The following NEGR1 variants were observed in gnomAD, a reference collection of about 807,000 sequenced individuals.
The protein encoded by NEGR1 is IgLON family member 4.
NEGR1 carries 10 observed loss-of-function variants against 40.9 expected under a neutral mutation model. The observed-to-expected ratio is 0.24, with a 90% CI of 0.15 to 0.42. NEGR1 has a LOEUF of 0.42. Among genes scored for constraint, NEGR1 ranks in the 10% least tolerant of loss-of-function variants. The probability of loss-of-function intolerance (pLI) is 1.00; values close to 1 mark genes in which losing one functional copy is unlikely to be tolerated. For missense variants in NEGR1, 352 were observed against 438.9 expected, an observed-to-expected ratio of 0.80 and a Z score of 1.77; for synonymous variants, 185 against 166.8, an observed-to-expected ratio of 1.11 and a Z score of -0.84.
chr1:71,639,268 T>G lies in NEGR1; in HGVS notation c.668-28122A>C, dbSNP rs576334458. ...CCCATGCCCATGCCCAATCACAGGC[T>G]TTGTCAACTAGGTGAGTTTGTGCTT... is the stretch of plus-strand genomic sequence containing the variant. On this transcript the variant is annotated intron_variant, in intron 4 of 6. Coordinates refer to ENST00000357731, the MANE Select transcript of NEGR1 (RefSeq NM_173808.3). 4.6e-5 allele frequency among the ~76,000 whole-genome samples: 7 copies of G among 151,180 alleles called. No individual in the cohort carries two copies. The East Asian group carries it at 1.4e-3, about 30-fold the overall frequency.
intron 3 of NEGR1, among the ~76,000 whole-genome samples, chr1:71,767,424 G>A (rs1656170396): frequency 6.6e-6 from 1 of 152,138 alleles, no homozygotes; most frequent in African/African-American, 2.4e-5. Context: ...TGAGAATGAT[G>A]ATTTAGGGTA....
At chr1:71,428,541 C>T (rs1197592642) in intron 6 of NEGR1, among the ~76,000 whole-genome samples, 1 of 151,798 alleles carries the variant, frequency 6.6e-6, no homozygotes, top group Non-Finnish European at 1.5e-5. Flanking sequence ...TATTTCAGGA[C>T]CTCTGGAATC....
chr1:72,073,543 A>G (rs1647569289), intron 1 of NEGR1, among the ~76,000 whole-genome samples: 2 of 152,172 alleles, frequency 1.3e-5, no homozygotes, highest in African/African-American at 4.8e-5. Flanking sequence ...TATAATTACA[A>G]GAAATGCACA....
At chr1:71,562,072 G>T (rs1012785891) in intron 6 of NEGR1, among the ~76,000 whole-genome samples, 59 of 151,452 alleles carry the variant, frequency 3.9e-4, no homozygotes, top group Non-Finnish European at 1.0e-4. Flanking sequence ...CGCTAATAAT[G>T]ACTTATTAAA....
chr1:71,450,332 A>T (rs1443851875), intron 6 of NEGR1, among the ~76,000 whole-genome samples: 1 of 152,168 alleles, frequency 6.6e-6, no homozygotes, highest in Non-Finnish European at 1.5e-5. Context: ...TATTAATTCA[A>T]TGCACAGCAA....
At chr1:71,958,769 T>C (rs556586862) in intron 1 of NEGR1, among the ~76,000 whole-genome samples, 1 of 152,054 alleles carries the variant, frequency 6.6e-6, no homozygotes, top group South Asian at 2.1e-4. Context: ...CTGGCCAACA[T>C]AGTGAAACCC....
At chr1:71,973,820 T>C (rs1048145141) in intron 1 of NEGR1, among the ~76,000 whole-genome samples, 1 of 152,204 alleles carries the variant, frequency 6.6e-6, no homozygotes, top group Non-Finnish European at 1.5e-5. Context: ...CTGGCTTCAG[T>C]GTTGGTGCCT....
At chr1:72,090,104 T>C (rs2821256) in intron 1 of NEGR1, among the ~76,000 whole-genome samples, 8,175 of 152,108 alleles carry the variant, frequency 0.054, 757 homozygotes, top group African/African-American at 0.19. Flanking sequence ...GTTCACATTT[T>C]CTTAGTAAGA....
At chr1:71,680,310 T>C (rs1277282008) in intron 4 of NEGR1, among the ~76,000 whole-genome samples, 1 of 152,102 alleles carries the variant, frequency 6.6e-6, no homozygotes, top group Non-Finnish European at 1.5e-5. Flanking sequence ...CATAGGATCG[T>C]TCTGATTTTT....
chr1:71,552,102 G>C (rs1470405623), intron 6 of NEGR1, among the ~76,000 whole-genome samples: 1 of 151,392 alleles, frequency 6.6e-6, no homozygotes, highest in African/African-American at 2.4e-5. Flanking sequence ...ATCTTGCTCA[G>C]TTAGTTTGGA....
intron 1 of NEGR1, among the ~76,000 whole-genome samples, chr1:72,198,983 C>T (rs998578305): frequency 6.6e-6 from 1 of 151,926 alleles, no homozygotes; most frequent in African/African-American, 2.4e-5. Flanking sequence ...CACCACAGTA[C>T]ATTTTTAAAA....
chr1:71,561,666 G>T (rs1028093680), intron 6 of NEGR1, among the ~76,000 whole-genome samples: 5 of 151,618 alleles, frequency 3.3e-5, no homozygotes, highest in Admixed American at 2.0e-4. Context: ...ATACGCTTTG[G>T]TATTCAAACA....
rs1653393359 is a variant in NEGR1, at chr1:72,206,252, A to G, written c.176+76067T>C. Among the ~76,000 whole-genome samples the G allele has an allele frequency of 2.6e-5, 4 of 152,178 alleles. No individual in the cohort carries two copies. In the South Asian group the frequency reaches 8.3e-4, roughly 32 times the overall value. On this transcript the variant is annotated intron_variant, in intron 1 of 6. Transcript: ENST00000357731. ...TTAAAAACATCAAATACACATTATT[A>G]CCAGATGATTATATTTGAGCCTTGG...
At chr1:71,724,057 T>G (rs1051746785) in intron 3 of NEGR1, among the ~76,000 whole-genome samples, 1 of 152,130 alleles carries the variant, frequency 6.6e-6, no homozygotes, top group Non-Finnish European at 1.5e-5. Context: ...TTTCTTATTT[T>G]AAAAAGAACT....
chr1:71,524,324 G>A (rs1647191885), intron 6 of NEGR1, among the ~76,000 whole-genome samples: 1 of 148,694 alleles, frequency 6.7e-6, no homozygotes. Context: ...GAGTGTGTGT[G>A]TGTGTGTGTG....
At chr1:72,242,675 C>T (rs1038737960) in intron 1 of NEGR1, among the ~76,000 whole-genome samples, 2 of 151,528 alleles carry the variant, frequency 1.3e-5, no homozygotes, top group African/African-American at 4.8e-5. Context: ...CACTTATGTG[C>T]CAGAGACTTA....
chr1:71,929,607 G>A (rs2101892877), intron 2 of NEGR1, among the ~76,000 whole-genome samples: 1 of 152,180 alleles, frequency 6.6e-6, no homozygotes, highest in South Asian at 2.1e-4. Context: ...TTTGTTAGTG[G>A]CGATAATTTT....
At chr1:71,779,550 T>C (rs1656625631) in intron 2 of NEGR1, among the ~76,000 whole-genome samples, 1 of 139,762 alleles carries the variant, frequency 7.2e-6, no homozygotes, top group African/African-American at 2.6e-5. Context: ...TGCAGACTAT[T>C]TATAATAGAT....
intron 1 of NEGR1, among the ~76,000 whole-genome samples, chr1:72,072,866 A>G (rs1647530792): frequency 1.3e-5 from 2 of 152,196 alleles, no homozygotes; most frequent in Admixed American, 6.6e-5. Context: ...TTCTCCATCC[A>G]CATACAGATA....
Sources: allele counts gnomAD v4.1 joint callset (sites outside exome capture counted in the v4.1 genomes callset), GRCh38; gene constraint gnomAD v4.1.1; transcripts MANE v1.5; gene names NCBI Gene and HGNC (gene_info 2026-07-23, HGNC 2026-07-21).